The following AFF3 variants were observed in gnomAD, a reference collection of about 807,000 sequenced individuals.
AFF3 encodes the protein AF4/FMR2 family member 3.
In AFF3, 32 loss-of-function variants were observed where a neutral mutation model predicts 129.7. That is an observed-to-expected ratio of 0.25 (90% CI 0.19 to 0.33). The LOEUF (loss-of-function observed/expected upper bound fraction) is 0.33. Ranked by LOEUF, AFF3 falls within the 10% of genes least tolerant of loss-of-function variation. The probability of loss-of-function intolerance (pLI) is 1.00; values close to 1 mark genes in which losing one functional copy is unlikely to be tolerated. For missense variants in AFF3, 1,373 were observed against 1,592.0 expected, an observed-to-expected ratio of 0.86 and a Z score of 2.34; for synonymous variants, 644 against 635.4, an observed-to-expected ratio of 1.01 and a Z score of -0.20.
chr2:99,687,499 G>A (rs964041547), intron 11 of AFF3, among the ~76,000 whole-genome samples: 9 of 152,196 alleles, frequency 5.9e-5, no homozygotes, highest in Middle Eastern at 3.4e-3. Flanking sequence ...AGAACTCAGC[G>A]AGGACACTCT....
At chr2:100,042,283 G>C (rs959518130) in intron 4 of AFF3, among the ~76,000 whole-genome samples, 1 of 152,134 alleles carries the variant, frequency 6.6e-6, no homozygotes, top group Admixed American at 6.5e-5. Context: ...CCACCCCAGC[G>C]AGTGCTGCCT....
In AFF3 at chr2:99,925,098, G is replaced by A. The variant is rs189004207; in HGVS notation, c.873+81534C>T. Among the ~76,000 whole-genome samples the A allele has an allele frequency of 7.9e-5, 12 of 151,978 alleles. No individual in the cohort carries two copies. In the East Asian group the frequency reaches 1.9e-3, roughly 25 times the overall value. ...TTACTATGTTGCCTAGGATGGTCTC[G>A]AACTCCTGGGCTCAAGCAATCCTCC... On this transcript the variant is annotated intron_variant, in intron 7 of 24. Coordinates refer to ENST00000672756, the MANE Select transcript of AFF3 (RefSeq NM_001386135.1).
chr2:99,892,773 G>C (rs2106092937), intron 7 of AFF3, among the ~76,000 whole-genome samples: 1 of 152,314 alleles, frequency 6.6e-6, no homozygotes. Context: ...GATCTCTGTA[G>C]CACTGCAGGC....
chr2:99,784,643 C>T (rs1364081841), intron 8 of AFF3, among the ~76,000 whole-genome samples: 1 of 152,180 alleles, frequency 6.6e-6, no homozygotes, highest in Non-Finnish European at 1.5e-5. Flanking sequence ...AAATCTTAGG[C>T]TATCGGCATT....
chr2:99,740,233 T>G (rs1013915197), intron 10 of AFF3, among the ~76,000 whole-genome samples: 1 of 150,142 alleles, frequency 6.7e-6, no homozygotes, highest in Non-Finnish European at 1.5e-5. Context: ...TTGGGTTGGT[T>G]CCAAGTCTTT....
intron 3 of AFF3, chr2:100,104,792 TGCTGCA>T (rs1553521453): frequency 2.3e-5 from 17 of 740,552 alleles, no homozygotes; most frequent in South Asian, 6.4e-5. Context: ...CCCGGCCCGC[TGCTGCA>T]GCCGCCGCCG....
At chr2:99,743,084 C>A (rs999438195) in intron 10 of AFF3, among the ~76,000 whole-genome samples, 3 of 152,140 alleles carry the variant, frequency 2.0e-5, no homozygotes, top group East Asian at 3.9e-4. Flanking sequence ...GGACTAAATT[C>A]ATCATTTTCT....
intron 13 of AFF3, among the ~76,000 whole-genome samples, chr2:99,627,069 G>T (rs1469388962): frequency 2.0e-5 from 3 of 152,146 alleles, no homozygotes; most frequent in African/African-American, 7.2e-5. Context: ...CTTATAATAT[G>T]ATTTATATTC....
chr2:99,598,389 C>T (rs540143371), intron 14 of AFF3, among the ~76,000 whole-genome samples: 10 of 152,256 alleles, frequency 6.6e-5, no homozygotes, highest in South Asian at 2.1e-4. Flanking sequence ...GATTAGACTC[C>T]GGTGAGAAAA....
intron 7 of AFF3, among the ~76,000 whole-genome samples, chr2:99,995,448 C>A (rs1680752622): frequency 1.3e-5 from 2 of 151,932 alleles, no homozygotes; most frequent in Non-Finnish European, 2.9e-5. Flanking sequence ...TCTCAGCTCA[C>A]TGCAAGCTCC....
intron 11 of AFF3, among the ~76,000 whole-genome samples, chr2:99,714,093 C>T (rs995004295): frequency 6.6e-6 from 1 of 152,166 alleles, no homozygotes; most frequent in Admixed American, 6.5e-5. Context: ...GGTTCGCAGT[C>T]TTTTTCTATG....
rs566672694 is a variant in AFF3, at chr2:99,628,553, CT to C, written c.1184+21072del. ...CTTCCTATTTGAATACCCTTTCTTT[CT>C]TTTTTTTTTTCTTTTTTCTTGAGAT... is the stretch of plus-strand genomic sequence containing the variant. On this transcript the variant is annotated intron_variant, in intron 13 of 24. Coordinates refer to ENST00000672756, the MANE Select transcript of AFF3 (RefSeq NM_001386135.1). Among the ~76,000 whole-genome samples the C allele has an allele frequency of 6.8e-3, 985 of 145,810 alleles. 6 individuals carry two copies. Among genetic ancestry groups the C allele is most frequent in the Non-Finnish European group, 0.01 (667 of 66,152 alleles).
chr2:99,573,169 A>T (rs1435766617), intron 18 of AFF3, among the ~76,000 whole-genome samples: 1 of 152,194 alleles, frequency 6.6e-6, no homozygotes, highest in Non-Finnish European at 1.5e-5. Flanking sequence ...CCTAAAGATG[A>T]TTGGACAGCT....
At chr2:99,942,694 C>T (rs577281966) in intron 7 of AFF3, among the ~76,000 whole-genome samples, 1 of 151,832 alleles carries the variant, frequency 6.6e-6, no homozygotes, top group African/African-American at 2.4e-5. Context: ...CAGAGAGGAG[C>T]TTTGATTGTG....
At chr2:99,916,216 C>T (rs1053343259) in intron 7 of AFF3, among the ~76,000 whole-genome samples, 2 of 152,174 alleles carry the variant, frequency 1.3e-5, no homozygotes, top group African/African-American at 2.4e-5. Flanking sequence ...TTCCCTTCTG[C>T]GAGACCTTAG....
chr2:99,640,577 T>C (rs1039513019), intron 13 of AFF3, among the ~76,000 whole-genome samples: 4 of 151,520 alleles, frequency 2.6e-5, no homozygotes, highest in Non-Finnish European at 4.4e-5. Flanking sequence ...CGATGTCTTG[T>C]AAAAAGAGGA....
intron 8 of AFF3, among the ~76,000 whole-genome samples, chr2:99,767,939 G>A (rs565625464): frequency 3.9e-5 from 6 of 152,302 alleles, no homozygotes; most frequent in African/African-American, 1.4e-4. Flanking sequence ...ATCACAAGCA[G>A]AGTGGGATGT....
chr2:99,643,544 C>T lies in AFF3; in HGVS notation c.1184+6082G>A, dbSNP rs17022813. Among the ~76,000 whole-genome samples the T allele has an allele frequency of 7.6e-3, 1,161 of 152,274 alleles. 20 individuals are homozygous for T. Among genetic ancestry groups the T allele is most frequent in the African/African-American group, 0.026 (1,074 of 41,548 alleles). ...TTAAAGAAGAGACCAACTATTAGTACTGTGTGGCAACTGTGCCTGTCCTCT... is the reference window on the plus strand; with the variant it reads ...TTAAAGAAGAGACCAACTATTAGTATTGTGTGGCAACTGTGCCTGTCCTCT... On this transcript the variant is annotated intron_variant, in intron 13 of 24. Coordinates refer to ENST00000672756, the MANE Select transcript of AFF3 (RefSeq NM_001386135.1).
intron 18 of AFF3, among the ~76,000 whole-genome samples, chr2:99,571,007 C>T (rs891643940): frequency 4.6e-5 from 7 of 152,218 alleles, no homozygotes; most frequent in Admixed American, 1.3e-4. Flanking sequence ...TCATTATCTT[C>T]TGAGCTGTAC....
Sources: gnomAD v4.1 joint callset for allele counts (sites outside exome capture counted in the v4.1 genomes callset) on GRCh38, gnomAD v4.1.1 for gene constraint, MANE v1.5 for transcripts, NCBI Gene and HGNC (gene_info 2026-07-23, HGNC 2026-07-21) for gene names.